Variants in ZNF746 observed in about 807,000 individuals in gnomAD.
The protein encoded by ZNF746 is parkin-interacting substrate.
A neutral mutation model predicts 41.0 loss-of-function variants in ZNF746; 13 were observed. That is an observed-to-expected ratio of 0.32 (90% CI 0.21 to 0.50). ZNF746 has a LOEUF of 0.50. Ranked by LOEUF, ZNF746 falls within the 20% of genes least tolerant of loss-of-function variation. The probability of loss-of-function intolerance (pLI) is 0.98; values close to 1 mark genes in which losing one functional copy is unlikely to be tolerated. For synonymous variants in ZNF746, 424 were observed against 396.2 expected (o/e 1.07, Z -0.83); for missense variants, 811 against 922.9 (o/e 0.88, Z 1.57).
chr7:149,493,910 A>C lies in ZNF746; in HGVS notation c.451+79T>G, dbSNP rs535762119. 1,065 of 1,610,412 alleles carry C rather than the reference A, an allele frequency of 6.6e-4. 14 individuals are homozygous for C. The highest frequency in any genetic ancestry group is 8.5e-5 in the Non-Finnish European group (100 of 1,177,450). ...TTCTGGTGATTTATATAACACTGAC[A>C]TGAAAACAACTATGTGGAGGGAGAA... On this transcript the variant is annotated intron_variant, in intron 3 of 6. Transcript: ENST00000458143.
rs1315789383 is a variant in ZNF746 at position 149,474,618 on chromosome 7, G to A, written c.1749C>T (p.Thr583=). 2 of 1,613,614 alleles carry A rather than the reference G, an allele frequency of 1.2e-6. No homozygotes were observed. Among genetic ancestry groups the A allele is most frequent in the South Asian group, 2.2e-5 (2 of 91,040 alleles). The stretch of plus-strand genomic sequence containing the variant: ...TGAAGCTTTTGCCGCAGACGGTGCA[G>A]GTGAAGGGCCGCACGCCCGTGTGCG... ...YRTHTGVRPF[T]CTVCGKSFIR... Residue 583 remains threonine (T), a synonymous_variant, in exon 7 of 7, where the codon ACC becomes ACT. Transcript: ENST00000458143. This position sits in a 1 kb window ranked among gnomAD's most constrained non-coding sequence, Gnocchi z 6.3.
chr7:149,494,573 T>C lies in ZNF746; in HGVS notation c.25-70A>G, dbSNP rs1270989329. 3.2e-6 allele frequency: 5 copies of C among 1,573,232 alleles called. No homozygotes were observed. The highest frequency in any genetic ancestry group is 4.3e-6 in the Non-Finnish European group (5 of 1,152,514). Reference sequence around the variant, plus strand: ...TGTCTTCATTGAGCCCCTCTCTCCCTAGGCACGGGGGAGTTGGGCTGGGAG... The same window carrying C: ...TGTCTTCATTGAGCCCCTCTCTCCCCAGGCACGGGGGAGTTGGGCTGGGAG... On this transcript the variant is annotated intron_variant, in intron 1 of 6. Transcript: ENST00000458143. The surrounding 1 kb of genome is among the most constrained non-coding windows in gnomAD (Gnocchi z 5.6).
intron 4 of ZNF746, among the ~76,000 whole-genome samples, chr7:149,479,971 GT>G (rs558824588): frequency 9.2e-5 from 14 of 152,008 alleles, no homozygotes; most frequent in Non-Finnish European, 1.8e-4. Flanking sequence ...AAAAAAAAAA[GT>G]TTTTAAAAAA....
chr7:149,479,185 C>T (rs1472812230), intron 4 of ZNF746, among the ~76,000 whole-genome samples: 1 of 152,068 alleles, frequency 6.6e-6, no homozygotes, highest in Non-Finnish European at 1.5e-5. Flanking sequence ...AGACCAATTC[C>T]CAAGTAGGTA....
At chr7:149,490,066 G>A (rs1412337037) in intron 4 of ZNF746, 1 of 152,532 alleles carries the variant, frequency 6.6e-6, no homozygotes, top group Non-Finnish European at 1.5e-5. Flanking sequence ...GGGATCTGGT[G>A]CCAGATCGAA....
chr7:149,477,775 T>C lies in ZNF746; in HGVS notation c.566-20A>G. 6.3e-7 allele frequency: 1 copy of C among 1,585,512 alleles called. No individual in the cohort carries two copies. Among genetic ancestry groups the C allele is most frequent in the Non-Finnish European group, 8.6e-7 (1 of 1,161,656 alleles). ...CCGAGCCTAGGAAAGGGAGTGAGTG[T>C]GAGGATACAGCATCACGGCCCCTCA... On this transcript the variant is annotated intron_variant, in intron 4 of 6. Coordinates refer to ENST00000458143, the MANE Select transcript of ZNF746 (RefSeq NM_001394198.1).
In ZNF746 at chr7:149,497,097, G is replaced by C. The variant is rs1801025971; in HGVS notation, c.24+416C>G. 1.0e-6 allele frequency: 1 copy of C among 985,378 alleles called. No individual in the cohort carries two copies. The highest frequency in any genetic ancestry group is 1.2e-6 in the Non-Finnish European group (1 of 829,924). The allele number at this position is 985,378 out of a possible 1,614,324, so 61.0% of individuals were successfully genotyped here. A position where few individuals can be genotyped will look rare whatever the true frequency, so the allele number is the denominator to read the frequency against. On this transcript the variant is annotated intron_variant, in intron 1 of 6. Transcript: ENST00000458143. The surrounding 1 kb of genome is among the most constrained non-coding windows in gnomAD (Gnocchi z 4.2). ...CACGTAGTGGGAGTCGGTGTATGCG[G>C]ATTCGAAGCCGGACACCTCCCAGGT...
intron 1 of ZNF746, among the ~76,000 whole-genome samples, chr7:149,495,127 A>G (rs1490945049): frequency 6.6e-6 from 1 of 151,936 alleles, no homozygotes; most frequent in Non-Finnish European, 1.5e-5. Context: ...CTCTTCCCCC[A>G]GGACAGTCTC....
At position 149,475,371 on chromosome 7, in the gene ZNF746, G is replaced by A. The variant is rs1800262632; in HGVS notation, c.996C>T (p.Ala332=). The part of the protein sequence containing the change: ...AHGTLFGPGQ[A]TRFFPSPAQE... ...GGGCAGGACTAGGGAAGAACCGTGT[G>A]GCTTGGCCTGGTCCAAACAGGGTCC... The change falls in exon 7 of 7, where the codon GCC becomes GCT. Residue 332 remains alanine, a synonymous_variant. Transcript: ENST00000458143. 1 of 1,614,178 alleles carries A rather than the reference G, an allele frequency of 6.2e-7. No individual in the cohort carries two copies.
chr7:149,478,755 C>T (rs1800396539), intron 4 of ZNF746, among the ~76,000 whole-genome samples: 1 of 152,128 alleles, frequency 6.6e-6, no homozygotes, highest in South Asian at 2.1e-4. Flanking sequence ...CTAAGTATGT[C>T]TAAGATCATC....
chr7:149,478,842 A>C (rs577104106), intron 4 of ZNF746, among the ~76,000 whole-genome samples: 1 of 152,376 alleles, frequency 6.6e-6, no homozygotes, highest in African/African-American at 2.4e-5. Flanking sequence ...AAAGAACTCA[A>C]CATTCTAGAA....
chr7:149,497,427 C>T lies in ZNF746; in HGVS notation c.24+86G>A. On this transcript the variant is annotated intron_variant, in intron 1 of 6. Transcript: ENST00000458143. This position sits in a 1 kb window ranked among gnomAD's most constrained non-coding sequence, Gnocchi z 4.2. ...GTCCGGCCCGGACCCCGGAACCCCTCCCCAGGGCCTGCGGCGCCGTGTGCC... is the reference window on the plus strand; with the variant it reads ...GTCCGGCCCGGACCCCGGAACCCCTTCCCAGGGCCTGCGGCGCCGTGTGCC... The T allele has an allele frequency of 9.6e-7, 1 of 1,038,590 alleles. No homozygotes were observed. Among genetic ancestry groups the T allele is most frequent in the Non-Finnish European group, 1.2e-6 (1 of 863,512 alleles). The allele number at this position is 1,038,590 out of a possible 1,614,324, so 64.3% of individuals were successfully genotyped here.
chr7:149,486,501 A>G (rs753033819), intron 4 of ZNF746, among the ~76,000 whole-genome samples: 26 of 152,248 alleles, frequency 1.7e-4, no homozygotes, highest in African/African-American at 5.5e-4. Flanking sequence ...CACAAAATAC[A>G]AAACTGTAAA....
chr7:149,474,964 G>T lies in ZNF746; in HGVS notation c.1403C>A (p.Pro468His), dbSNP rs1414582869. 1.2e-5 allele frequency: 19 copies of T among 1,547,710 alleles called. 1 individual carries two copies. In the Admixed American group the frequency reaches 3.7e-4, roughly 30 times the overall value. The part of the protein sequence containing the change: ...KHPAAPPGGR[P>H]FTCATCGKSF... ...CTTCCCACACGTGGCGCAGGTGAAG[G>T]GCCGGCCCCCGGGGGGCGCCGCGGG... is the stretch of plus-strand genomic sequence containing the variant. The change falls in exon 7 of 7, where the codon CCC becomes CAC. Residue 468 changes from proline (P) to histidine (H), a missense_variant. This residue lies in a region of ZNF746 where 495 missense variants were observed against 481.6 expected (regional missense o/e 1.03). Transcript: ENST00000458143. The surrounding 1 kb of genome is among the most constrained non-coding windows in gnomAD (Gnocchi z 6.3).
chr7:149,482,239 A>T (rs895181299), intron 4 of ZNF746, among the ~76,000 whole-genome samples: 1 of 152,182 alleles, frequency 6.6e-6, no homozygotes, highest in Non-Finnish European at 1.5e-5. Flanking sequence ...TCAGACTAAA[A>T]CCAAACAAAT....
In ZNF746 at chr7:149,474,545, C is replaced by T. The variant is rs1456368672; in HGVS notation, c.1822G>A (p.Ala608Thr). The change falls in exon 7 of 7, where the codon GCC becomes ACC. Residue 608 changes from alanine to threonine, a missense_variant. By Grantham distance (58) the Ala-to-Thr change is moderately conservative. Transcript: ENST00000458143. The surrounding 1 kb of genome is among the most constrained non-coding windows in gnomAD (Gnocchi z 6.3). Reference sequence around the variant, plus strand: ...GGCTGGCCTCGGGCCGGGGTCTTGGCGCCCGCTGCATGGTTGCGCTGGTGC... The same window carrying T: ...GGCTGGCCTCGGGCCGGGGTCTTGGTGCCCGCTGCATGGTTGCGCTGGTGC... ...RKHQRNHAAG[A>T]KTPARGQPLP... is the part of the protein sequence containing the mutation. The T allele has an allele frequency of 1.2e-6, 2 of 1,607,254 alleles. No homozygotes were observed. Among genetic ancestry groups the T allele is most frequent in the Non-Finnish European group, 1.7e-6 (2 of 1,177,108 alleles).
In ZNF746 at chr7:149,473,490, G is replaced by A. The variant is rs2116629609; in HGVS notation, c.*894C>T. On this transcript the variant is annotated 3_prime_UTR_variant, in exon 7 of 7. Coordinates refer to ENST00000458143, the MANE Select transcript of ZNF746 (RefSeq NM_001394198.1). Reference sequence around the variant, plus strand: ...CAAATGAGATGCATTTTGAAAATAAGAAACTACCACACAAAGTGAACAGGA... The same window carrying A: ...CAAATGAGATGCATTTTGAAAATAAAAAACTACCACACAAAGTGAACAGGA... 1 of 152,368 alleles carries A rather than the reference G, an allele frequency of 6.6e-6. No homozygotes were observed. Among genetic ancestry groups the A allele is most frequent in the South Asian group, 2.1e-4 (1 of 4,830 alleles). 9.4% of individuals were successfully genotyped at this position (152,368 alleles called of 1,614,324 possible). A position where few individuals can be genotyped will look rare whatever the true frequency, so the allele number is the denominator to read the frequency against.
intron 3 of ZNF746, 94 bp downstream of exon 3, chr7:149,493,895 T>TTA: frequency 6.3e-7 from 1 of 1,593,802 alleles, no homozygotes; most frequent in African/African-American, 1.3e-5. Flanking sequence ...TTCTGGTGAT[T>TTA]TATATAACAC....
rs376838755 is a variant in ZNF746 at position 149,494,038 on chromosome 7, C to G, written c.402G>C (p.Glu134Asp). Residue 134 changes from glutamate (E) to aspartate (D), a missense_variant, in exon 3 of 7, where the codon GAG becomes GAC. Glu to Asp is a conservative substitution (Grantham distance 45). This residue lies in a region of ZNF746 where 147 missense variants were observed against 233.4 expected (regional missense o/e 0.63). Transcript: ENST00000458143. The surrounding 1 kb of genome is among the most constrained non-coding windows in gnomAD (Gnocchi z 5.6). The stretch of plus-strand genomic sequence containing the variant: ...TGCCCCTCATCACGTGCTTGTAGAG[C>G]TCCTTCTGCCAGTCCTCCAGCTTGC... Reference protein sequence around the residue: ...EWGKLEDWQKELYKHVMRGNY... With the variant: ...EWGKLEDWQKDLYKHVMRGNY... 7.4e-6 allele frequency: 12 copies of G among 1,614,038 alleles called. No individual in the cohort carries two copies. Among genetic ancestry groups the G allele is most frequent in the Non-Finnish European group, 9.3e-6 (11 of 1,180,026 alleles).
Sources: allele counts gnomAD v4.1 joint callset (sites outside exome capture counted in the v4.1 genomes callset), GRCh38; gene constraint gnomAD v4.1.1; regional missense constraint gnomAD v4.1.1; non-coding constraint Gnocchi (gnomAD v3.1); transcripts MANE v1.5; gene names NCBI Gene and HGNC (gene_info 2026-07-23, HGNC 2026-07-21).